UBXN6: variants seen among roughly 807,000 people sequenced by gnomAD.
UBXN6 encodes the protein UBX domain protein 6, also known as UBX domain-containing protein 6.
In UBXN6, 44 loss-of-function variants were observed where a neutral mutation model predicts 51.4. That is an observed-to-expected ratio of 0.86 (90% CI 0.67 to 1.10). The LOEUF (loss-of-function observed/expected upper bound fraction) is 1.10. Ranked by LOEUF, UBXN6 falls within the 50% of genes least tolerant of loss-of-function variation. The pLI is 0.00. For missense variants in UBXN6, 672 were observed against 596.1 expected, an observed-to-expected ratio of 1.13 and a Z score of -1.32; for synonymous variants, 316 against 263.2, an observed-to-expected ratio of 1.20 and a Z score of -1.94.
At chr19:4,456,175 C>T (rs1481230184) in intron 1 of UBXN6, among the ~76,000 whole-genome samples, 1 of 152,028 alleles carries the variant, frequency 6.6e-6, no homozygotes, top group Non-Finnish European at 1.5e-5. Context: ...CACCCCGATA[C>T]CCTGCATCCT....
chr19:4,454,098 G>T lies in UBXN6; in HGVS notation c.84-5C>A. ...TTCTCTTTGTGGGCCTTTTCCCTGG[G>T]AACAGACCGAGGGAGAGTGAGTGTA... On this transcript the variant is annotated splice_polypyrimidine_tract_variant and splice_region_variant and intron_variant, in intron 1 of 10. Coordinates refer to ENST00000301281, the MANE Select transcript of UBXN6 (RefSeq NM_025241.3). 3 of 1,540,768 alleles carry T rather than the reference G, an allele frequency of 1.9e-6. No homozygotes were observed. The highest frequency in any genetic ancestry group is 3.5e-4 in the Middle Eastern group (2 of 5,712).
intron 10 of UBXN6, 139 bp from the exon 11 acceptor site, chr19:4,445,762 G>T (rs1599671489): frequency 7.2e-7 from 1 of 1,389,920 alleles, no homozygotes. Flanking sequence ...TCGCACCCAG[G>T]CCTCCTGCCC....
Position 4,448,416 on chromosome 19 carries a change from C to G in UBXN6, c.442-1G>C. ...CGGCCACTGGGTCGGTGGAGAAGTGCTGGGAGGAGGGAAGCAGGGAAAGCC... is the reference window on the plus strand; with the variant it reads ...CGGCCACTGGGTCGGTGGAGAAGTGGTGGGAGGAGGGAAGCAGGGAAAGCC... On this transcript the variant is annotated splice_acceptor_variant, in intron 4 of 10. Transcript: ENST00000301281. LOFTEE classifies it high-confidence loss of function. 6.2e-7 allele frequency: 1 copy of G among 1,604,266 alleles called. No homozygotes were observed. The highest frequency in any genetic ancestry group is 8.5e-7 in the Non-Finnish European group (1 of 1,176,228).
In UBXN6 at chr19:4,446,567, G is replaced by T. The variant is rs147606668; in HGVS notation, c.853C>A (p.Gln285Lys). 137 of 1,612,550 alleles carry T rather than the reference G, an allele frequency of 8.5e-5. 1 individual carries two copies. In the Middle Eastern group the frequency reaches 1.3e-3, roughly 16 times the overall value. Residue 285 changes from glutamine to lysine, a missense_variant, in exon 8 of 11, where the codon CAG becomes AAG. Physicochemically the swap from Gln to Lys is moderately conservative, Grantham distance 53 (BLOSUM62 1). Coordinates refer to ENST00000301281, the MANE Select transcript of UBXN6 (RefSeq NM_025241.3). The part of the protein sequence containing the change: ...RVFQPSPLAS[Q>K]FELPGDFFNL... ...AAGAAGTCCCCAGGCAGTTCGAACT[G>T]CGAGGCCAGGGGCGAGGGCTGGAAG...
At position 4,445,513 on chromosome 19, in the gene UBXN6, G is replaced by T. The variant is rs375328300; in HGVS notation, c.1311C>A (p.Ile437=). The T allele has an allele frequency of 2.5e-6, 4 of 1,613,800 alleles. No individual in the cohort carries two copies. The Admixed American group carries it at 6.7e-5, about 27-fold the overall frequency. ...TGCTTTTATTTCACAAGAGCTTCTC[G>T]ATGGCTGACAGGAGCTCGGGTTTCA... ...SILKPELLSA[I]EKLL Residue 437 remains isoleucine (I), a synonymous_variant, in exon 11 of 11, where the codon ATC becomes ATA. Coordinates refer to ENST00000301281, the MANE Select transcript of UBXN6 (RefSeq NM_025241.3).
At chr19:4,454,774 A>G (rs984444064) in intron 1 of UBXN6, 4 of 152,176 alleles carry the variant, frequency 2.6e-5, no homozygotes, top group Non-Finnish European at 4.4e-5. Context: ...CCTCCCTGCC[A>G]TAAGACTCTC....
intron 8 of UBXN6, 42 bp downstream of exon 8, chr19:4,446,458 A>G: frequency 1.9e-6 from 3 of 1,577,862 alleles, no homozygotes; most frequent in Non-Finnish European, 2.6e-6. Context: ...GGGTTCTTCC[A>G]CCCCGCCCCG....
Position 4,447,623 on chromosome 19 carries a change from T to A in UBXN6, c.542A>T (p.Tyr181Phe). The A allele has an allele frequency of 6.2e-7, 1 of 1,613,838 alleles. No homozygotes were observed. Among genetic ancestry groups the A allele is most frequent in the Non-Finnish European group, 8.5e-7 (1 of 1,179,856 alleles). The change falls in exon 6 of 11, where the codon TAC (tyrosine) becomes TTC (phenylalanine). Residue 181 changes from tyrosine (Y) to phenylalanine (F), a missense_variant and splice_region_variant. By Grantham distance (22) the Tyr-to-Phe change is conservative. Coordinates refer to ENST00000301281, the MANE Select transcript of UBXN6 (RefSeq NM_025241.3). ...GGGGTGCAGGTGGATGTTGTCCAGG[T>A]ACCTGGGGTAGGTGGAGAAGGTGAG... ...VKLGVDTIAKYLDNIHLHPEE... is the reference protein window; with the variant it reads ...VKLGVDTIAKFLDNIHLHPEE...
chr19:4,452,510 T>TC lies in UBXN6; in HGVS notation c.313-19dup, dbSNP rs1974671426. 1 of 1,606,466 alleles carries TC rather than the reference T, an allele frequency of 6.2e-7. No individual in the cohort carries two copies. Among genetic ancestry groups the TC allele is most frequent in the African/African-American group, 1.3e-5 (1 of 74,900 alleles). ...TCAGATACCTGGGGCGGTGAAAGCG[T>TC]CCAAGTCTGGACCGTGGACAGAGGC... On this transcript the variant is annotated intron_variant, in intron 3 of 10. Transcript: ENST00000301281.
intron 1 of UBXN6, chr19:4,454,962 C>T (rs566250145): frequency 6.5e-6 from 1 of 153,436 alleles, no homozygotes; most frequent in East Asian, 1.9e-4. Flanking sequence ...CCACGCCACC[C>T]TCGTGGCGGG....
At chr19:4,453,306 A>C (rs1599680259) in intron 3 of UBXN6, 152 bp downstream of exon 3, 1 of 841,074 alleles carries the variant, frequency 1.2e-6, no homozygotes, top group Non-Finnish European at 1.8e-6. Context: ...CCCAGACAAC[A>C]CCGTGTTCCA....
intron 1 of UBXN6, among the ~76,000 whole-genome samples, 195 bp from the exon 2 acceptor site, chr19:4,454,288 C>A (rs1305328216): frequency 6.6e-6 from 1 of 152,296 alleles, no homozygotes; most frequent in South Asian, 2.1e-4. Flanking sequence ...CGGAAGAGCC[C>A]CTGGAGGAAG....
chr19:4,455,374 G>A, intron 1 of UBXN6: 2 of 864,482 alleles, frequency 2.3e-6, no homozygotes, highest in Non-Finnish European at 2.8e-6. Context: ...CCACAGCTGA[G>A]CATCTTGGGT....
rs758461961 is a variant in UBXN6, at chr19:4,453,930, C to A, written c.247G>T (p.Val83Leu). ...GGGCCCGAGGAGGGCCATATCTCAC[C>A]CTGGTTTCGGATGGTGTCCTGCGAT... ...PTSQDTIRNQ[V>L]RKELQAEATV... The change falls in exon 2 of 11, where the codon GTG (valine) becomes TTG (leucine). Residue 83 changes from valine (V) to leucine (L), a missense_variant and splice_region_variant. Coordinates refer to ENST00000301281, the MANE Select transcript of UBXN6 (RefSeq NM_025241.3). The A allele has an allele frequency of 6.2e-7, 1 of 1,609,618 alleles. No homozygotes were observed. The highest frequency in any genetic ancestry group is 1.1e-5 in the South Asian group (1 of 91,042).
Position 4,446,600 on chromosome 19 carries a change from G to T in UBXN6, c.820C>A (p.Arg274Ser), listed in dbSNP as rs558461737. ...EPVRAKLDRQ[R>S]RVFQPSPLAS... ...AGGGGCGAGGGCTGGAAGACGCGGC[G>T]CTGCCTGTCCAGCTTGGCGCGCACG... The change falls in exon 8 of 11, where the codon CGC becomes AGC. Residue 274 changes from arginine to serine, a missense_variant. Coordinates refer to ENST00000301281, the MANE Select transcript of UBXN6 (RefSeq NM_025241.3). 1.2e-5 allele frequency: 20 copies of T among 1,612,490 alleles called. No individual in the cohort carries two copies. Among genetic ancestry groups the T allele is most frequent in the Non-Finnish European group, 1.6e-5 (19 of 1,179,900 alleles).
chr19:4,451,875 C>G (rs1009874753), intron 4 of UBXN6, among the ~76,000 whole-genome samples: 1 of 151,962 alleles, frequency 6.6e-6, no homozygotes, highest in Non-Finnish European at 1.5e-5. Flanking sequence ...CCAGGCCACG[C>G]GTGGTGGCTC....
At chr19:4,452,526 G>A (rs1364476712) in intron 3 of UBXN6, 34 bp from the exon 4 acceptor site, 1 of 1,596,668 alleles carries the variant, frequency 6.3e-7, no homozygotes, top group South Asian at 1.1e-5. Context: ...TCTGGACCGT[G>A]GACAGAGGCC....
At chr19:4,452,322 G>A in intron 4 of UBXN6, 42 bp downstream of exon 4, 3 of 1,602,894 alleles carry the variant, frequency 1.9e-6, no homozygotes, top group Non-Finnish European at 2.6e-6. Context: ...TCAGGCACAG[G>A]AAGCTACAGG....
Position 4,454,034 on chromosome 19 carries a change from G to A in UBXN6, c.143C>T (p.Pro48Leu). The A allele has an allele frequency of 3.1e-6, 5 of 1,592,248 alleles. No homozygotes were observed. Among genetic ancestry groups the A allele is most frequent in the Non-Finnish European group, 4.3e-6 (5 of 1,172,506 alleles). ...QPAPRPPRQG[P>L]TNEAQMAAAA... The stretch of plus-strand genomic sequence containing the variant: ...GGCTGCCATCTGTGCCTCATTGGTG[G>A]GTCCCTGGCGGGGCGGCCTGGGGGC... Residue 48 changes from proline (P) to leucine (L), a missense_variant, in exon 2 of 11, where the codon CCC (proline) becomes CTC (leucine). Coordinates refer to ENST00000301281, the MANE Select transcript of UBXN6 (RefSeq NM_025241.3).
Sources: allele counts gnomAD v4.1 joint callset (sites outside exome capture counted in the v4.1 genomes callset), GRCh38; gene constraint gnomAD v4.1.1; transcripts MANE v1.5; gene names NCBI Gene and HGNC (gene_info 2026-07-23, HGNC 2026-07-21).